Variants in NEBL observed in about 807,000 individuals in gnomAD.
NEBL encodes nebulette, also known as LIM and SH3 protein 2.
In NEBL, 122 loss-of-function variants were observed where a neutral mutation model predicts 140.2. That is an observed-to-expected ratio of 0.87 (90% CI 0.75 to 1.01). The LOEUF (loss-of-function observed/expected upper bound fraction) is 1.01, where lower values mean the gene tolerates loss of function less well. NEBL is among the 50% of genes least tolerant of loss of function. NEBL has a pLI of 0.00. For missense variants in NEBL, 1,365 were observed against 1,231.3 expected (o/e 1.11, Z -1.62); for synonymous variants, 436 against 398.9 (o/e 1.09, Z -1.11).
chr10:21,080,011 A>T (rs1397048892), intron 2 of NEBL, among the ~76,000 whole-genome samples: 1 of 152,268 alleles, frequency 6.6e-6, no homozygotes, highest in East Asian at 1.9e-4. Flanking sequence ...AACAGCATGT[A>T]TTATGATCCT....
At chr10:20,792,951 A>G (rs1285009215) in intron 26 of NEBL, among the ~76,000 whole-genome samples, 2 of 152,164 alleles carry the variant, frequency 1.3e-5, no homozygotes, top group African/African-American at 2.4e-5. Context: ...CTCAAGTCCT[A>G]TTCACATCTG....
At chr10:21,044,696 T>C (rs1439059127) in intron 2 of NEBL, among the ~76,000 whole-genome samples, 1 of 152,128 alleles carries the variant, frequency 6.6e-6, no homozygotes, top group Non-Finnish European at 1.5e-5. Context: ...ATGGTCAACA[T>C]CTATGTACCC....
intron 2 of NEBL, among the ~76,000 whole-genome samples, chr10:21,040,488 C>T (rs990082487): frequency 2.6e-5 from 4 of 151,980 alleles, no homozygotes; most frequent in Admixed American, 6.6e-5. Flanking sequence ...ACCTGGTGAG[C>T]GAAGGAGAAA....
intron 2 of NEBL, 37 bp from the exon 3 acceptor site, chr10:20,889,986 G>C: frequency 7.3e-7 from 1 of 1,361,438 alleles, no homozygotes; most frequent in Non-Finnish European, 1.0e-6. Flanking sequence ...AAGAGAAAAA[G>C]AAAAACAATT....
intron 2 of NEBL, among the ~76,000 whole-genome samples, chr10:21,163,600 G>A (rs780678563): frequency 2.6e-5 from 4 of 152,190 alleles, no homozygotes; most frequent in Admixed American, 2.6e-4. Context: ...CCTTGGCTGA[G>A]TTCAGTCATC....
At chr10:20,961,833 G>T in intron 3 of NEBL, 3 of 1,356,884 alleles carry the variant, frequency 2.2e-6, no homozygotes, top group Non-Finnish European at 3.2e-6. Context: ...ATCCCACTCG[G>T]GATAGGCTGG....
chr10:20,799,349 T>C (rs922352158), intron 26 of NEBL, among the ~76,000 whole-genome samples: 2 of 152,070 alleles, frequency 1.3e-5, no homozygotes, highest in Non-Finnish European at 2.9e-5. Flanking sequence ...AGATACCAGG[T>C]CTCACCATGT....
intron 4 of NEBL, among the ~76,000 whole-genome samples, chr10:20,906,276 A>C (rs1187512623): frequency 2.0e-5 from 3 of 152,122 alleles, no homozygotes; most frequent in African/African-American, 4.8e-5. Flanking sequence ...GTTCCTTCTC[A>C]AACCTTAAGC....
intron 2 of NEBL, among the ~76,000 whole-genome samples, chr10:21,091,989 A>G (rs1212961679): frequency 2.0e-5 from 3 of 152,270 alleles, no homozygotes; most frequent in South Asian, 2.1e-4. Context: ...TTTTACCCAT[A>G]GCTAATTTAA....
intron 1 of NEBL, among the ~76,000 whole-genome samples, chr10:21,276,766 C>A (rs930286910): frequency 1.3e-5 from 2 of 152,070 alleles, no homozygotes; most frequent in East Asian, 3.9e-4. Context: ...GCCAAGAGTT[C>A]GAGACCAGCC....
At chr10:21,204,336 A>G (rs1841791133) in intron 3 of NEBL, among the ~76,000 whole-genome samples, 1 of 152,218 alleles carries the variant, frequency 6.6e-6, no homozygotes, top group Non-Finnish European at 1.5e-5. Context: ...GTAAGGAAGT[A>G]GTTAAATTAA....
At chr10:21,075,113 A>AT (rs1564502072) in intron 2 of NEBL, among the ~76,000 whole-genome samples, 2 of 152,186 alleles carry the variant, frequency 1.3e-5, no homozygotes, top group South Asian at 4.2e-4. Context: ...GCCCAGAATT[A>AT]TTTTTTTAAA....
chr10:20,807,222 C>T (rs111246152), intron 26 of NEBL, among the ~76,000 whole-genome samples: 5,717 of 152,106 alleles, frequency 0.038, 173 homozygotes, highest in Middle Eastern at 0.065. Flanking sequence ...CCTACTCAGG[C>T]GGCTGAGGCA....
intron 3 of NEBL, among the ~76,000 whole-genome samples, chr10:21,207,350 A>G (rs1337980094): frequency 1.3e-5 from 2 of 152,188 alleles, no homozygotes; most frequent in African/African-American, 2.4e-5. Flanking sequence ...ATCTAGTACT[A>G]TGTGACTTTC....
intron 3 of NEBL, chr10:20,961,920 G>A (rs1422129440): frequency 1.5e-6 from 1 of 656,464 alleles, no homozygotes; most frequent in Non-Finnish European, 2.7e-6. Context: ...AGAACCAGAA[G>A]GAAACAGCCA....
intron 2 of NEBL, among the ~76,000 whole-genome samples, chr10:20,894,927 T>TA (rs56137796): frequency 0.034 from 2,691 of 79,488 alleles, 66 homozygotes; most frequent in African/African-American, 0.094. Context: ...AGACTCTGTC[T>TA]AAAAAAAAAA....
In NEBL at chr10:20,784,141, A is replaced by T. The variant is rs933172933; in HGVS notation, c.*1606T>A. The T allele has an allele frequency of 6.6e-6, 1 of 152,208 alleles. No homozygotes were observed. Among genetic ancestry groups the T allele is most frequent in the Non-Finnish European group, 1.5e-5 (1 of 68,042 alleles). 9.4% of individuals were successfully genotyped at this position (152,208 alleles called of 1,614,324 possible). On this transcript the variant is annotated 3_prime_UTR_variant, in exon 28 of 28. Transcript: ENST00000377122. The stretch of plus-strand genomic sequence containing the variant: ...CTTGAATATAACATATAAGGCAGAT[A>T]TCCCCAAGACCCGTACATCTTAGTA...
chr10:21,055,842 A>C (rs1834998446), intron 2 of NEBL, among the ~76,000 whole-genome samples: 1 of 152,210 alleles, frequency 6.6e-6, no homozygotes, highest in South Asian at 2.1e-4. Flanking sequence ...CCGCGTGAGA[A>C]TGAAAAGAAA....
chr10:21,279,756 T>TA (rs11327218), intron 1 of NEBL, among the ~76,000 whole-genome samples: 93 of 135,686 alleles, frequency 6.9e-4, no homozygotes, highest in South Asian at 1.4e-3. Flanking sequence ...AGAATCCATA[T>TA]AAAAAAAAAA....
Sources: gnomAD v4.1 joint callset for allele counts (sites outside exome capture counted in the v4.1 genomes callset) on GRCh38, gnomAD v4.1.1 for gene constraint, MANE v1.5 for transcripts, NCBI Gene and HGNC (gene_info 2026-07-23, HGNC 2026-07-21) for gene names.